Variants in CELF2 observed in about 807,000 individuals in gnomAD.
CELF2 encodes the protein CUGBP Elav-like family member 2.
CELF2 carries 8 observed loss-of-function variants against 62.6 expected under a neutral mutation model. The observed-to-expected ratio is 0.13, with a 90% CI of 0.07 to 0.23. The LOEUF (loss-of-function observed/expected upper bound fraction) is 0.23. Ranked by LOEUF, CELF2 falls within the 10% of genes least tolerant of loss-of-function variation. The pLI is 1.00. For synonymous variants in CELF2, 258 were observed against 250.0 expected, an observed-to-expected ratio of 1.03 and a Z score of -0.30; for missense variants, 333 against 671.0, an observed-to-expected ratio of 0.50 and a Z score of 5.56.
Position 10,916,892 on chromosome 10 carries a change from C to G in CELF2, c.54-3072C>G, listed in dbSNP as rs147457098. On this transcript the variant is annotated intron_variant, in intron 1 of 13. Coordinates refer to the CELF2 transcript ENST00000636488. ...CCTCCCAAAGTGCTGGGATTACAGT[C>G]ATGAGTCACTGCACCCAGCCTGGAA... 8.1e-3 allele frequency among the ~76,000 whole-genome samples: 1,236 copies of G among 151,794 alleles called. 12 individuals carry two copies. The highest frequency in any genetic ancestry group is 0.02 in the Middle Eastern group (6 of 294).
chr10:11,179,754 C>G (rs1221460642), intron 2 of CELF2, among the ~76,000 whole-genome samples: 3 of 152,088 alleles, frequency 2.0e-5, no homozygotes. Context: ...TTTCTTTCCC[C>G]CCTGAAGGCT....
At chr10:10,852,750 C>T (rs1564719520) in intron 1 of CELF2, among the ~76,000 whole-genome samples, 1 of 152,164 alleles carries the variant, frequency 6.6e-6, no homozygotes. Flanking sequence ...GTGTTATCTC[C>T]TTTAATTGAA....
At chr10:10,781,830 C>T in the CELF2 span, among the ~76,000 whole-genome samples, 2 of 152,180 alleles carry the variant, frequency 1.3e-5, no homozygotes, top group Non-Finnish European at 2.9e-5. Flanking sequence ...TGGCACATGC[C>T]TGTATACAGT....
At chr10:10,650,793 G>C in the CELF2 span, among the ~76,000 whole-genome samples, 4 of 152,192 alleles carry the variant, frequency 2.6e-5, no homozygotes, top group Non-Finnish European at 5.9e-5. Context: ...ATTTAACACA[G>C]AGTCACCATC....
chr10:10,713,854 G>A, the CELF2 span, among the ~76,000 whole-genome samples: 2 of 152,084 alleles, frequency 1.3e-5, no homozygotes, highest in African/African-American at 4.8e-5. Flanking sequence ...GGCCAACGTG[G>A]TGAAACCCCA....
Position 11,266,587 on chromosome 10 carries a change from G to C in CELF2, c.539-11G>C. ...TGTCTTTCCTGCTCCCTGTCCCCTT[G>C]TTTCCCACAGGCTGTGCGTTTGTCA... On this transcript the variant is annotated splice_polypyrimidine_tract_variant and intron_variant, in intron 5 of 12. Transcript: ENST00000633077. 1 of 1,612,852 alleles carries C rather than the reference G, an allele frequency of 6.2e-7. No homozygotes were observed. The highest frequency in any genetic ancestry group is 8.5e-7 in the Non-Finnish European group (1 of 1,179,096).
At chr10:10,720,031 A>G in the CELF2 span, among the ~76,000 whole-genome samples, 3 of 152,188 alleles carry the variant, frequency 2.0e-5, no homozygotes, top group African/African-American at 4.8e-5. Context: ...TCCTAAGTGA[A>G]CATAACTTAG....
chr10:10,622,326 A>G, the CELF2 span, among the ~76,000 whole-genome samples: 7 of 152,296 alleles, frequency 4.6e-5, no homozygotes, highest in East Asian at 1.4e-3. Flanking sequence ...TGCCAAGGTT[A>G]GGCCAGGTAT....
intron 1 of CELF2, among the ~76,000 whole-genome samples, chr10:10,878,731 A>G (rs1486181569): frequency 6.6e-6 from 1 of 152,026 alleles, no homozygotes; most frequent in Non-Finnish European, 1.5e-5. Context: ...TTTCCAATTC[A>G]AATTGAGATC....
chr10:10,485,785 C>T, the CELF2 span, among the ~76,000 whole-genome samples: 1 of 152,080 alleles, frequency 6.6e-6, no homozygotes, highest in African/African-American at 2.4e-5. Flanking sequence ...CTATCCGTTC[C>T]TAAAATAGGC....
At chr10:11,200,344 G>C (rs2058941986) in intron 2 of CELF2, among the ~76,000 whole-genome samples, 1 of 152,176 alleles carries the variant, frequency 6.6e-6, no homozygotes, top group African/African-American at 2.4e-5. Flanking sequence ...AAAAGCCTAA[G>C]AGCATGTTCC....
intron 2 of CELF2, among the ~76,000 whole-genome samples, chr10:11,186,182 T>C (rs2074823497): frequency 6.6e-6 from 1 of 152,182 alleles, no homozygotes; most frequent in Admixed American, 6.5e-5. Flanking sequence ...GTTCTACTTG[T>C]CATGTCTCCT....
chr10:10,975,243 G>C (rs2051191547), intron 2 of CELF2, among the ~76,000 whole-genome samples: 1 of 152,102 alleles, frequency 6.6e-6, no homozygotes, highest in Non-Finnish European at 1.5e-5. Context: ...ACAGCCTCTG[G>C]AGTAGCTGGG....
chr10:10,661,160 C>G, the CELF2 span, among the ~76,000 whole-genome samples: 1 of 152,188 alleles, frequency 6.6e-6, no homozygotes, highest in Non-Finnish European at 1.5e-5. Context: ...TCCTTCCTGC[C>G]CCTTTCCAGC....
rs1200779490 is a variant in CELF2, at chr10:11,243,750, T to G, written c.355-5403T>G. 6.6e-6 allele frequency among the ~76,000 whole-genome samples: 1 copy of G among 152,230 alleles called. No homozygotes were observed. The highest frequency in any genetic ancestry group is 1.5e-5 in the Non-Finnish European group (1 of 68,030). ...CATGACAGCACAGACCACTGAAGAT[T>G]TTTTTAGATACAGCCCATACTGTGT... is the stretch of plus-strand genomic sequence containing the variant. On this transcript the variant is annotated intron_variant, in intron 3 of 12. Transcript: ENST00000633077. This position sits in a 1 kb window ranked among gnomAD's most constrained non-coding sequence, Gnocchi z 4.1.
At chr10:11,111,286 C>T (rs1341402035) in intron 1 of CELF2, among the ~76,000 whole-genome samples, 3 of 152,174 alleles carry the variant, frequency 2.0e-5, no homozygotes, top group African/African-American at 7.2e-5. Context: ...AACTGTTGAA[C>T]AACTTCCCTG....
chr10:11,305,404 C>CA lies in CELF2; in HGVS notation c.977-8734dup, dbSNP rs1413181526. Among the ~76,000 whole-genome samples, 6 of 152,256 alleles carry CA rather than the reference C, an allele frequency of 3.9e-5. No homozygotes were observed. Among genetic ancestry groups the CA allele is most frequent in the Non-Finnish European group, 7.3e-5 (5 of 68,044 alleles). On this transcript the variant is annotated intron_variant, in intron 9 of 12. Coordinates refer to ENST00000633077, the MANE Select transcript of CELF2 (RefSeq NM_001326342.2). The surrounding 1 kb of genome is among the most constrained non-coding windows in gnomAD (Gnocchi z 4.8). ...GCATCCCTCACGGGTACACCGGGGC[C>CA]AGTCCCTTCAACACTCTGGGCCTCT...
chr10:11,266,572 G>T (rs1357014224), intron 5 of CELF2, 26 bp from the exon 6 acceptor site: 2 of 1,601,188 alleles, frequency 1.2e-6, no homozygotes, highest in Non-Finnish European at 1.7e-6. Context: ...TGTCTTTCCT[G>T]CTCCCTGTCC....
intron 1 of CELF2, among the ~76,000 whole-genome samples, chr10:10,899,455 C>T (rs2062780685): frequency 6.6e-6 from 1 of 152,118 alleles, no homozygotes; most frequent in African/African-American, 2.4e-5. Flanking sequence ...ATAGATTTGA[C>T]AACCTAGATC....
Sources: allele counts gnomAD v4.1 joint callset (sites outside exome capture counted in the v4.1 genomes callset), GRCh38; gene constraint gnomAD v4.1.1; non-coding constraint Gnocchi (gnomAD v3.1); transcripts MANE v1.5; gene names NCBI Gene and HGNC (gene_info 2026-07-23, HGNC 2026-07-21).